ARHGAP22: variants seen among roughly 807,000 people sequenced by gnomAD.
ARHGAP22 encodes rho GTPase-activating protein 22.
Under a neutral mutation model 59.1 loss-of-function variants are expected in ARHGAP22, and 48 were observed. The observed-to-expected ratio is 0.81, with a 90% confidence interval of 0.64 to 1.03. The LOEUF (loss-of-function observed/expected upper bound fraction) is 1.03, where lower values mean the gene tolerates loss of function less well. ARHGAP22 is among the 50% of genes least tolerant of loss of function. The pLI is 0.00. For synonymous variants in ARHGAP22, 445 were observed against 416.4 expected (o/e 1.07, Z -0.84); for missense variants, 1,015 against 958.7 (o/e 1.06, Z -0.78).
chr10:48,602,972 A>G (rs895432651), intron 1 of ARHGAP22, among the ~76,000 whole-genome samples: 4 of 152,230 alleles, frequency 2.6e-5, no homozygotes, highest in African/African-American at 9.6e-5. Context: ...ACACACATAC[A>G]GGCATGCATG....
intron 1 of ARHGAP22, among the ~76,000 whole-genome samples, chr10:48,644,514 G>A (rs1006815928): frequency 6.6e-6 from 1 of 152,178 alleles, no homozygotes; most frequent in East Asian, 1.9e-4. Context: ...TATTCTCTAG[G>A]AGAGACCTAT....
At chr10:48,547,196 T>G (rs1028994487) in intron 3 of ARHGAP22, among the ~76,000 whole-genome samples, 1 of 152,200 alleles carries the variant, frequency 6.6e-6, no homozygotes, top group Admixed American at 6.5e-5. Context: ...CCTTTCTACA[T>G]GCAGACACCA....
chr10:48,549,801 G>T (rs1048923604), intron 3 of ARHGAP22, among the ~76,000 whole-genome samples: 2 of 151,950 alleles, frequency 1.3e-5, no homozygotes, highest in Non-Finnish European at 2.9e-5. Context: ...CACCCTTCCA[G>T]GATTCTAAGT....
chr10:48,602,953 C>T (rs535902919), intron 1 of ARHGAP22, among the ~76,000 whole-genome samples: 7 of 152,270 alleles, frequency 4.6e-5, no homozygotes, highest in South Asian at 2.1e-4. Context: ...TATGCATGAA[C>T]GCATGTGCAC....
rs1028403487 is a variant in ARHGAP22 at position 48,450,939 on chromosome 10, T to C, written c.1190A>G (p.Asp397Gly). The C allele has an allele frequency of 3.8e-6, 6 of 1,586,710 alleles. No individual in the cohort carries two copies. The African/African-American group carries it at 5.4e-5, about 14-fold the overall frequency. The stretch of plus-strand genomic sequence containing the variant: ...GGAGAGCACCGCCACGGCCGCCCCG[T>C]CCAGGGAAGAGGTCCTGTGCGCGGG... ...GLPAHRTSSL[D>G]GAAVAVLSRT... The change falls in exon 9 of 10, where the codon GAC becomes GGC. Residue 397 changes from aspartate to glycine, a missense_variant. By Grantham distance (94) the Asp-to-Gly change is moderately conservative. Transcript: ENST00000249601.
chr10:48,638,349 C>T (rs910113376), intron 1 of ARHGAP22, among the ~76,000 whole-genome samples: 4 of 152,164 alleles, frequency 2.6e-5, no homozygotes, highest in African/African-American at 4.8e-5. Flanking sequence ...GTTCCACCTT[C>T]CCATGAAGCC....
intron 3 of ARHGAP22, among the ~76,000 whole-genome samples, chr10:48,551,637 C>T (rs2056900882): frequency 6.6e-6 from 1 of 152,250 alleles, no homozygotes; most frequent in Non-Finnish European, 1.5e-5. Flanking sequence ...TCCCACCTCT[C>T]AGTACGCTTT....
chr10:48,641,482 C>A (rs1220817847), intron 1 of ARHGAP22, among the ~76,000 whole-genome samples: 1 of 152,148 alleles, frequency 6.6e-6, no homozygotes, highest in Non-Finnish European at 1.5e-5. Context: ...TAAACAGAAC[C>A]AAAGACAAAA....
chr10:48,597,308 A>G (rs1465449415), intron 1 of ARHGAP22, among the ~76,000 whole-genome samples: 1 of 152,074 alleles, frequency 6.6e-6, no homozygotes, highest in East Asian at 1.9e-4. Flanking sequence ...TCTCCTACCC[A>G]CGGCCTGTTT....
At chr10:48,495,125 T>C (rs1047522441) in intron 3 of ARHGAP22, among the ~76,000 whole-genome samples, 1 of 152,230 alleles carries the variant, frequency 6.6e-6, no homozygotes, top group Non-Finnish European at 1.5e-5. Context: ...GTACGACTTA[T>C]GAAGGAATGT....
At position 48,497,931 on chromosome 10, in the gene ARHGAP22, G is replaced by T. The variant is rs545831070; in HGVS notation, c.323-18167C>A. Among the ~76,000 whole-genome samples, 8 of 152,270 alleles carry T rather than the reference G, an allele frequency of 5.3e-5. No homozygotes were observed. In the South Asian group the frequency reaches 1.2e-3, roughly 24 times the overall value. ...CCCAGCAGGCCTGAAGAGATAAAGG[G>T]CAGAATATCAGGAGGGGAGGCGATA... On this transcript the variant is annotated intron_variant, in intron 3 of 9. Transcript: ENST00000249601.
chr10:48,573,463 A>T (rs1384309957), intron 2 of ARHGAP22, among the ~76,000 whole-genome samples: 2 of 152,240 alleles, frequency 1.3e-5, no homozygotes, highest in Non-Finnish European at 2.9e-5. Flanking sequence ...GACACCAGGT[A>T]TTCGTGGCAG....
chr10:48,615,870 G>A (rs1012357426), intron 1 of ARHGAP22, among the ~76,000 whole-genome samples: 1 of 151,268 alleles, frequency 6.6e-6, no homozygotes, highest in East Asian at 1.9e-4. Context: ...TCACTAGAGA[G>A]ACTCAAGAGC....
chr10:48,453,512 C>G, intron 7 of ARHGAP22, 87 bp from the exon 8 acceptor site: 2 of 1,568,124 alleles, frequency 1.3e-6, no homozygotes, highest in Non-Finnish European at 1.7e-6. Flanking sequence ...CGCCACACCC[C>G]TGCTGAGCCC....
At chr10:48,569,023 A>G (rs974888487) in intron 2 of ARHGAP22, among the ~76,000 whole-genome samples, 2 of 152,158 alleles carry the variant, frequency 1.3e-5, no homozygotes, top group African/African-American at 2.4e-5. Context: ...CACCTTTGGG[A>G]CATGTTGATG....
At chr10:48,605,209 T>C, upstream of ARHGAP22, 8 of 996,808 alleles carry the variant, frequency 8.0e-6, no homozygotes, top group Non-Finnish European at 9.7e-6. Context: ...CGGGAGAGGG[T>C]ACTGGGGTTC....
At chr10:48,432,008 A>C in the ARHGAP22 span, among the ~76,000 whole-genome samples, 26,029 of 152,142 alleles carry the variant, frequency 0.17, 2,760 homozygotes, top group South Asian at 0.29. Flanking sequence ...TAAGATTCCA[A>C]ATCTATTATG....
At chr10:48,472,075 C>T (rs1312413355) in intron 4 of ARHGAP22, among the ~76,000 whole-genome samples, 5 of 151,496 alleles carry the variant, frequency 3.3e-5, no homozygotes, top group South Asian at 4.2e-4. Flanking sequence ...GGTGCGGTGG[C>T]GGGTGCCTGT....
intron 3 of ARHGAP22, among the ~76,000 whole-genome samples, chr10:48,539,631 C>G (rs929388574): frequency 6.6e-5 from 10 of 152,200 alleles, no homozygotes; most frequent in African/African-American, 2.2e-4. Flanking sequence ...TTTGTTTTCA[C>G]TTAATGCTTC....
Sources: allele counts gnomAD v4.1 joint callset (sites outside exome capture counted in the v4.1 genomes callset), GRCh38; gene constraint gnomAD v4.1.1; transcripts MANE v1.5; gene names NCBI Gene and HGNC (gene_info 2026-07-23, HGNC 2026-07-21).